Variants in LARGE1 observed in about 807,000 individuals in gnomAD.
The protein encoded by LARGE1 is xylosyl- and glucuronyltransferase LARGE1.
A neutral mutation model predicts 87.6 loss-of-function variants in LARGE1; 43 were observed. That is an observed-to-expected ratio of 0.49 (90% confidence interval 0.38 to 0.63). The LOEUF (loss-of-function observed/expected upper bound fraction) is 0.63. LARGE1 is among the 30% of genes least tolerant of loss of function. The probability of loss-of-function intolerance (pLI) is 0.00; values close to 1 mark genes in which losing one functional copy is unlikely to be tolerated. For synonymous variants in LARGE1, 434 were observed against 394.6 expected (o/e 1.10, Z -1.18); for missense variants, 802 against 1,000.2 (o/e 0.80, Z 2.67).
At chr22:33,862,410 ATCT>A (rs1358347567) in intron 1 of LARGE1, among the ~76,000 whole-genome samples, 1 of 152,206 alleles carries the variant, frequency 6.6e-6, no homozygotes, top group Non-Finnish European at 1.5e-5. Flanking sequence ...AATACAGGCG[ATCT>A]TCTCAGGGAA....
rs529132517 is a variant in LARGE1, at chr22:33,430,075, C to A, written c.892+2086G>T. 1.1e-3 allele frequency among the ~76,000 whole-genome samples: 167 copies of A among 152,300 alleles called. 4 individuals are homozygous for A. In the South Asian group the frequency reaches 0.032, roughly 29 times the overall value. ...CTTGAAGGGCAGAGCCCAGAATTCT[C>A]CATTGTTGAAAAGTGTTTAATCCTG... is the stretch of plus-strand genomic sequence containing the variant. On this transcript the variant is annotated intron_variant, in intron 7 of 14. Coordinates refer to ENST00000397394, the MANE Select transcript of LARGE1 (RefSeq NM_133642.5).
At chr22:33,161,938 A>G (rs961509739), downstream of LARGE1, among the ~76,000 whole-genome samples, 1 of 152,208 alleles carries the variant, frequency 6.6e-6, no homozygotes, top group African/African-American at 2.4e-5. Context: ...GAAGTTCCTC[A>G]TCCCCATCTG....
chr22:33,096,170 C>T, the LARGE1 span, among the ~76,000 whole-genome samples: 4 of 152,096 alleles, frequency 2.6e-5, no homozygotes, highest in African/African-American at 9.7e-5. Flanking sequence ...AATCCCAGCA[C>T]TTTGGGAGGC....
chr22:33,353,013 A>C (rs913593402), intron 9 of LARGE1, among the ~76,000 whole-genome samples: 2 of 152,240 alleles, frequency 1.3e-5, no homozygotes, highest in Non-Finnish European at 1.5e-5. Flanking sequence ...CCTTAGCTAC[A>C]TTACAAAGTA....
chr22:33,336,537 A>C (rs1233226637), intron 10 of LARGE1, among the ~76,000 whole-genome samples: 2 of 152,148 alleles, frequency 1.3e-5, no homozygotes, highest in African/African-American at 2.4e-5. Flanking sequence ...CAGTTGAAGA[A>C]AATGAAGCAC....
chr22:33,288,659 T>C (rs1021121701), intron 12 of LARGE1, among the ~76,000 whole-genome samples: 1 of 152,182 alleles, frequency 6.6e-6, no homozygotes, highest in African/African-American at 2.4e-5. Context: ...CAGAAATTAA[T>C]ACCAGGTACC....
chr22:33,283,303 C>A lies in LARGE1; in HGVS notation c.1776G>T (p.Met592Ile), dbSNP rs576967464. Residue 592 changes from methionine (M) to isoleucine (I), a missense_variant, in exon 13 of 15, where the codon ATG (methionine) becomes ATT (isoleucine). By Grantham distance (10) the Met-to-Ile change is conservative (BLOSUM62 1). Transcript: ENST00000397394. The stretch of plus-strand genomic sequence containing the variant: ...GCAGTGTCTCGAACGCGGGGACAAT[C>A]ATTGCTTTCTTGGTGTTGGCAAGAT... Reference protein sequence around the residue: ...QLDLANTKKAMIVPAFETLRY... With the variant: ...QLDLANTKKAIIVPAFETLRY... The A allele has an allele frequency of 4.1e-4, 657 of 1,614,166 alleles. 5 individuals are homozygous for A. The South Asian group carries it at 6.8e-3, about 17-fold the overall frequency.
chr22:33,549,339 T>C (rs1297161501), intron 6 of LARGE1, among the ~76,000 whole-genome samples: 1 of 152,236 alleles, frequency 6.6e-6, no homozygotes, highest in Admixed American at 6.5e-5. Flanking sequence ...TTGATAGTCA[T>C]AGAATGGCAT....
intron 2 of LARGE1, among the ~76,000 whole-genome samples, chr22:33,730,239 GTTC>G (rs2083417876): frequency 6.6e-6 from 1 of 152,066 alleles, no homozygotes; most frequent in Non-Finnish European, 1.5e-5. Flanking sequence ...TCCTTTTGAT[GTTC>G]TTAATAACAA....
intron 2 of LARGE1, among the ~76,000 whole-genome samples, chr22:33,734,511 T>C (rs1168304940): frequency 6.6e-6 from 1 of 151,972 alleles, no homozygotes; most frequent in Admixed American, 6.6e-5. Flanking sequence ...CACTGAAGAG[T>C]TTTACGAGAG....
chr22:33,555,494 G>A (rs933795201), intron 6 of LARGE1, among the ~76,000 whole-genome samples: 2 of 152,174 alleles, frequency 1.3e-5, no homozygotes, highest in Non-Finnish European at 2.9e-5. Context: ...AAGCCTTGCT[G>A]AGAAGCTCAG....
At chr22:33,686,190 G>T (rs2149319696) in intron 2 of LARGE1, among the ~76,000 whole-genome samples, 1 of 152,174 alleles carries the variant, frequency 6.6e-6, no homozygotes, top group Admixed American at 6.5e-5. Context: ...GTGGCGACTT[G>T]GTGCACAGCT....
intron 4 of LARGE1, 93 bp downstream of exon 4, chr22:33,626,151 G>A (rs2079913871): frequency 9.9e-7 from 1 of 1,012,340 alleles, no homozygotes; most frequent in Non-Finnish European, 1.6e-6. Flanking sequence ...AATGATTGAT[G>A]AGAAATTTTG....
chr22:33,424,777 G>A (rs7292262), intron 7 of LARGE1, among the ~76,000 whole-genome samples: 5,914 of 152,130 alleles, frequency 0.039, 344 homozygotes, highest in African/African-American at 0.14. Flanking sequence ...CTAGGAGGTC[G>A]AGGCTGCAGC....
chr22:33,088,969 T>C, the LARGE1 span, among the ~76,000 whole-genome samples: 3 of 152,324 alleles, frequency 2.0e-5, no homozygotes, highest in South Asian at 2.1e-4. Flanking sequence ...TTAGCAATTG[T>C]TATCATCCAT....
At chr22:33,549,564 G>A (rs1290263529) in intron 6 of LARGE1, among the ~76,000 whole-genome samples, 1 of 152,172 alleles carries the variant, frequency 6.6e-6, no homozygotes, top group Non-Finnish European at 1.5e-5. Flanking sequence ...TTTATCTTCT[G>A]AAAGAGGAAA....
At chr22:33,449,215 A>G (rs1317555467) in intron 6 of LARGE1, among the ~76,000 whole-genome samples, 6 of 152,208 alleles carry the variant, frequency 3.9e-5, no homozygotes, top group African/African-American at 2.4e-5. Context: ...ATAGATTTGC[A>G]TATCATTGGA....
chr22:33,747,225 G>A (rs531030745), intron 2 of LARGE1, among the ~76,000 whole-genome samples: 2 of 152,248 alleles, frequency 1.3e-5, no homozygotes, highest in South Asian at 2.1e-4. Context: ...GGAGAGCAAG[G>A]AATGAGAAGC....
chr22:33,336,988 G>C (rs745731397), intron 10 of LARGE1, among the ~76,000 whole-genome samples: 11 of 151,538 alleles, frequency 7.3e-5, no homozygotes, highest in Non-Finnish European at 1.5e-4. Flanking sequence ...TTGAACCCGG[G>C]AGGCAGAGGT....
Sources: allele counts gnomAD v4.1 joint callset (sites outside exome capture counted in the v4.1 genomes callset), GRCh38; gene constraint gnomAD v4.1.1; transcripts MANE v1.5; gene names NCBI Gene and HGNC (gene_info 2026-07-23, HGNC 2026-07-21).